Variants in EHF observed in about 807,000 individuals in gnomAD.
The protein encoded by EHF is ESE3 transcription factor.
In EHF, 14 loss-of-function variants were observed where a neutral mutation model predicts 45.1. That is an observed-to-expected ratio of 0.31 (90% CI 0.21 to 0.49). The LOEUF is 0.49. Ranked by LOEUF, EHF falls within the 20% of genes least tolerant of loss-of-function variation. The probability of loss-of-function intolerance (pLI) is 0.99; values close to 1 mark genes in which losing one functional copy is unlikely to be tolerated. For missense variants in EHF, 282 were observed against 371.4 expected, an observed-to-expected ratio of 0.76 and a Z score of 1.98; for synonymous variants, 136 against 131.8, an observed-to-expected ratio of 1.03 and a Z score of -0.22.
intron 1 of EHF, chr11:34,632,394 C>T (rs887627366): frequency 5.7e-5 from 75 of 1,311,946 alleles, no homozygotes; most frequent in Non-Finnish European, 7.2e-5. Flanking sequence ...TTTATGTTAA[C>T]AACCTGCTCC....
In EHF at chr11:34,621,219, G is replaced by A. The variant is rs372910783; in HGVS notation, c.-13G>A. The A allele has an allele frequency of 7.2e-5, 11 of 152,122 alleles. No homozygotes were observed. Among genetic ancestry groups the A allele is most frequent in the East Asian group, 5.8e-4 (3 of 5,192 alleles). The allele number at this position is 152,122 out of a possible 1,614,324, so 9.4% of individuals were successfully genotyped here. ...TTGGATTTCCCACCCAGAATCTTTA[G>A]GTAAATGAGGTAAGTCCTGATTTTT... On this transcript the variant is annotated 5_prime_UTR_variant, in exon 1 of 9. Transcript: ENST00000257831.
In EHF at chr11:34,651,745, G is replaced by C; in HGVS notation, c.484G>C (p.Asp162His). Residue 162 changes from aspartate to histidine, a missense_variant, in exon 6 of 9, where the codon GAC becomes CAC. Coordinates refer to ENST00000257831, the MANE Select transcript of EHF (RefSeq NM_012153.6). ...TNYGSTVDLL[D>H]SKTFCRAQIS... ...TCTTTTCATGGCCACAGATTTGTTGGACAGCAAAACTTTCTGCCGGGCTCA... is the reference window on the plus strand; with the variant it reads ...TCTTTTCATGGCCACAGATTTGTTGCACAGCAAAACTTTCTGCCGGGCTCA... 1 of 1,614,034 alleles carries C rather than the reference G, an allele frequency of 6.2e-7. No individual in the cohort carries two copies. The highest frequency in any genetic ancestry group is 8.5e-7 in the Non-Finnish European group (1 of 1,179,944).
At chr11:34,653,117 G>A (rs1020384033) in intron 6 of EHF, among the ~76,000 whole-genome samples, 3 of 151,938 alleles carry the variant, frequency 2.0e-5, no homozygotes, top group African/African-American at 7.3e-5. Flanking sequence ...GTTCCTCTGC[G>A]ACTTCCTACA....
intron 6 of EHF, among the ~76,000 whole-genome samples, chr11:34,656,449 C>T (rs890960871): frequency 1.3e-5 from 2 of 151,966 alleles, no homozygotes; most frequent in South Asian, 4.2e-4. Context: ...TGGCTTCCAT[C>T]TTTCTCAGAG....
At chr11:34,651,914 G>A (rs891934557) in intron 6 of EHF, 109 bp downstream of exon 6, 3 of 1,062,620 alleles carry the variant, frequency 2.8e-6, no homozygotes, top group East Asian at 2.4e-5. Context: ...CTAATTAAAG[G>A]GCTAGGAAAG....
At chr11:34,649,688 C>A (rs1001552603) in intron 4 of EHF, among the ~76,000 whole-genome samples, 1 of 152,138 alleles carries the variant, frequency 6.6e-6, no homozygotes. Flanking sequence ...CGTTTCCTTT[C>A]CCCTGTCCTA....
At chr11:34,642,762 T>G in intron 2 of EHF, 35 bp downstream of exon 2, 1 of 1,462,998 alleles carries the variant, frequency 6.8e-7, no homozygotes, top group Non-Finnish European at 9.6e-7. Context: ...GTCACTGCTG[T>G]GCTGTGTGGG....
chr11:34,658,768 G>T, intron 8 of EHF, 40 bp downstream of exon 8: 1 of 1,607,766 alleles, frequency 6.2e-7, no homozygotes, highest in South Asian at 1.1e-5. Context: ...AAGGCTGTAC[G>T]ACCCATTATT....
At chr11:34,651,839 C>G (rs201628174) in intron 6 of EHF, 34 bp downstream of exon 6, 1 of 1,594,212 alleles carries the variant, frequency 6.3e-7, no homozygotes, top group Non-Finnish European at 8.6e-7. Flanking sequence ...CTGGGTATGC[C>G]TAATGCTTAG....
intron 7 of EHF, among the ~76,000 whole-genome samples, chr11:34,658,263 A>T (rs755435718): frequency 6.6e-5 from 10 of 152,148 alleles, no homozygotes; most frequent in Non-Finnish European, 1.5e-4. Flanking sequence ...AGTCTTGGCT[A>T]TGTCACTAGT....
chr11:34,648,072 G>A (rs553884248), intron 3 of EHF, among the ~76,000 whole-genome samples: 1 of 152,272 alleles, frequency 6.6e-6, no homozygotes, highest in East Asian at 1.9e-4. Context: ...TGCTGCTGTA[G>A]CCTCTGAGTT....
Position 34,646,618 on chromosome 11 carries a change from T to C in EHF, c.277T>C (p.Phe93Leu). ...CCTCTGCAGCATGAGTTTGCAGGAG[T>C]TCACCCGGGCGGCAGGGACGGCGGG... ...EHLCSMSLQE[F>L]TRAAGTAGQL... is the part of the protein sequence containing the mutation. Residue 93 changes from phenylalanine to leucine, a missense_variant, in exon 3 of 9, where the codon TTC (phenylalanine) becomes CTC (leucine). This residue lies in a region of EHF where 213 missense variants were observed against 247.3 expected (regional missense o/e 0.86). Transcript: ENST00000257831. 1 of 1,613,618 alleles carries C rather than the reference T, an allele frequency of 6.2e-7. No individual in the cohort carries two copies. Among genetic ancestry groups the C allele is most frequent in the Non-Finnish European group, 8.5e-7 (1 of 1,179,860 alleles).
intron 6 of EHF, among the ~76,000 whole-genome samples, chr11:34,656,232 G>A (rs1031191213): frequency 6.6e-6 from 1 of 152,142 alleles, no homozygotes; most frequent in Non-Finnish European, 1.5e-5. Flanking sequence ...AAACTAATCT[G>A]TGTTTCCATA....
At chr11:34,625,146 C>T (rs1287511537) in intron 1 of EHF, among the ~76,000 whole-genome samples, 2 of 152,118 alleles carry the variant, frequency 1.3e-5, no homozygotes, top group South Asian at 4.1e-4. Context: ...TAAATGGATT[C>T]TTTAGGGCCT....
chr11:34,657,087 C>T, intron 7 of EHF, 117 bp downstream of exon 7: 1 of 1,228,372 alleles, frequency 8.1e-7, no homozygotes, highest in Middle Eastern at 2.2e-4. Context: ...GTCTTCATCC[C>T]AAACAGGGTG....
intron 1 of EHF, among the ~76,000 whole-genome samples, chr11:34,627,429 C>G (rs1428244023): frequency 1.3e-5 from 2 of 152,108 alleles, no homozygotes; most frequent in Admixed American, 1.3e-4. Flanking sequence ...ACATGACTAG[C>G]TTTTAGGAGT....
In EHF at chr11:34,662,515, T is replaced by C. The variant is rs1427932960; in HGVS notation, c.*3584T>C. On this transcript the variant is annotated 3_prime_UTR_variant, in exon 9 of 9. Transcript: ENST00000257831. The stretch of plus-strand genomic sequence containing the variant: ...GAAGATTATGAATATGTTAATATGA[T>C]GTAAATTGCTATTTAAGTGTAAAGC... Among the ~76,000 whole-genome samples, 1 of 152,120 alleles carries C rather than the reference T, an allele frequency of 6.6e-6. No individual in the cohort carries two copies. The highest frequency in any genetic ancestry group is 1.5e-5 in the Non-Finnish European group (1 of 67,994).
chr11:34,651,568 G>A lies in EHF; in HGVS notation c.433G>A (p.Asp145Asn). 1.2e-6 allele frequency: 2 copies of A among 1,613,972 alleles called. No homozygotes were observed. The highest frequency in any genetic ancestry group is 8.5e-7 in the Non-Finnish European group (1 of 1,179,906). ...TEPSIMNTWK[D>N]ENYLYDTNYG... ...GCCTTCCATCATGAACACCTGGAAAGACGAGAACTATTTATATGACACCAA... is the reference window on the plus strand; with the variant it reads ...GCCTTCCATCATGAACACCTGGAAAAACGAGAACTATTTATATGACACCAA... Residue 145 changes from aspartate (D) to asparagine (N), a missense_variant, in exon 5 of 9, where the codon GAC becomes AAC. By Grantham distance (23) the Asp-to-Asn change is conservative. Around this residue, in one of 3 missense-constraint regions of EHF, gnomAD observed 213 missense variants for 247.3 expected, o/e 0.86. Coordinates refer to ENST00000257831, the MANE Select transcript of EHF (RefSeq NM_012153.6).
intron 4 of EHF, among the ~76,000 whole-genome samples, chr11:34,651,205 T>A (rs559873201): frequency 1.3e-5 from 2 of 151,984 alleles, no homozygotes; most frequent in Non-Finnish European, 2.9e-5. Context: ...TTCTGGTGAT[T>A]ATGCAGTAGA....
Sources: gnomAD v4.1 joint callset for allele counts (sites outside exome capture counted in the v4.1 genomes callset) on GRCh38, gnomAD v4.1.1 for gene constraint, gnomAD v4.1.1 regional missense constraint, MANE v1.5 for transcripts, NCBI Gene and HGNC (gene_info 2026-07-23, HGNC 2026-07-21) for gene names.